GRAMD2A: variants seen among roughly 807,000 people sequenced by gnomAD.
GRAMD2A encodes GRAM domain containing 2A.
A neutral mutation model predicts 51.1 loss-of-function variants in GRAMD2A; 37 were observed. The observed-to-expected ratio is 0.72, with a 90% confidence interval of 0.56 to 0.95. GRAMD2A has a LOEUF of 0.95. Ranked by LOEUF, GRAMD2A falls within the 40% of genes least tolerant of loss-of-function variation. The pLI is 0.00. For missense variants in GRAMD2A, 414 were observed against 426.9 expected (o/e 0.97, Z 0.27); for synonymous variants, 136 against 157.1 (o/e 0.87, Z 1.01).
chr15:72,169,932 G>T lies in GRAMD2A; in HGVS notation c.49C>A (p.Gln17Lys), dbSNP rs753126264. ...SEATEEGGNQ[Q>K]MHRKTASLNS... Reference sequence around the variant, plus strand: ...AGAGAAGCTGTCTTTCTGTGCATTTGTTGGTTGCTAGGGAAAAACAGGCCC... The same window carrying T: ...AGAGAAGCTGTCTTTCTGTGCATTTTTTGGTTGCTAGGGAAAAACAGGCCC... The change falls in exon 2 of 12, where the codon CAA becomes AAA. Residue 17 changes from glutamine (Q) to lysine (K), a missense_variant. By Grantham distance (53) the Gln-to-Lys change is moderately conservative. Coordinates refer to ENST00000309731, the MANE Select transcript of GRAMD2A (RefSeq NM_001012642.3). 10 of 1,613,942 alleles carry T rather than the reference G, an allele frequency of 6.2e-6. No homozygotes were observed. The highest frequency in any genetic ancestry group is 7.6e-6 in the Non-Finnish European group (9 of 1,179,798).
intron 1 of GRAMD2A, among the ~76,000 whole-genome samples, chr15:72,176,322 C>T (rs544834348): frequency 2.8e-4 from 42 of 152,318 alleles, no homozygotes; most frequent in African/African-American, 7.2e-4. Context: ...GCCGGGCCTG[C>T]GTGGTCACAG....
intron 1 of GRAMD2A, 124 bp downstream of exon 1, chr15:72,197,607 T>C: frequency 1.3e-6 from 1 of 755,950 alleles, no homozygotes; most frequent in Non-Finnish European, 1.7e-6. Flanking sequence ...GGGAAGTGCC[T>C]GCCCCGTGGG....
At chr15:72,193,098 CCTGGG>C (rs2081779710) in intron 1 of GRAMD2A, among the ~76,000 whole-genome samples, 2 of 151,614 alleles carry the variant, frequency 1.3e-5, no homozygotes. Context: ...TGCACTCTAG[CCTGGG>C]CAACAAGAGT....
chr15:72,195,048 C>A (rs1443507471), intron 1 of GRAMD2A, among the ~76,000 whole-genome samples: 2 of 152,188 alleles, frequency 1.3e-5, no homozygotes, highest in Non-Finnish European at 2.9e-5. Flanking sequence ...CTGCATGCTG[C>A]TTGCTGTAAG....
chr15:72,195,406 G>A (rs2081797474), intron 1 of GRAMD2A, among the ~76,000 whole-genome samples: 1 of 152,216 alleles, frequency 6.6e-6, no homozygotes. Context: ...TGGCAGGCAA[G>A]GACCAGAGCG....
At chr15:72,178,063 A>AC (rs2081668198) in intron 1 of GRAMD2A, among the ~76,000 whole-genome samples, 1 of 151,754 alleles carries the variant, frequency 6.6e-6, no homozygotes, top group Admixed American at 6.6e-5. Context: ...GTGATTGTAA[A>AC]CCCCCAGCCA....
intron 1 of GRAMD2A, among the ~76,000 whole-genome samples, chr15:72,174,113 C>T (rs569790678): frequency 9.2e-5 from 14 of 152,246 alleles, no homozygotes; most frequent in Admixed American, 3.9e-4. Flanking sequence ...GCTCTCAAAA[C>T]GATCTTCAGT....
intron 8 of GRAMD2A, among the ~76,000 whole-genome samples, chr15:72,164,105 C>A (rs550176238): frequency 2.0e-5 from 3 of 152,280 alleles, no homozygotes; most frequent in African/African-American, 7.2e-5. Context: ...AGTTCCTGCT[C>A]CTATCCCAAG....
At chr15:72,165,305 T>TC (rs770793214) in intron 8 of GRAMD2A, 49 bp downstream of exon 8, 1 of 1,574,832 alleles carries the variant, frequency 6.3e-7, no homozygotes, top group African/African-American at 1.3e-5. Flanking sequence ...GCCTCAGAGC[T>TC]CCAGGCACTG....
In GRAMD2A at chr15:72,165,368, C is replaced by T; in HGVS notation, c.586G>A (p.Glu196Lys). 1.2e-6 allele frequency: 2 copies of T among 1,613,928 alleles called. No individual in the cohort carries two copies. The highest frequency in any genetic ancestry group is 1.7e-6 in the Non-Finnish European group (2 of 1,179,876). ...KSLSVREFSG[E>K]PESLEVLIPE... ...TCAGCTCTCACCAGAGACTCAGGTT[C>T]CCCTGAAAATTCTCTTACACTCAGA... Residue 196 changes from glutamate to lysine, a missense_variant, in exon 8 of 12, where the codon GAA becomes AAA. Physicochemically the swap from Glu to Lys is moderately conservative, Grantham distance 56. Coordinates refer to ENST00000309731, the MANE Select transcript of GRAMD2A (RefSeq NM_001012642.3).
intron 1 of GRAMD2A, among the ~76,000 whole-genome samples, chr15:72,172,275 T>C (rs554768502): frequency 6.6e-5 from 10 of 152,142 alleles, no homozygotes; most frequent in Admixed American, 3.3e-4. Context: ...TGCTCCACCA[T>C]GCCGGGCTAA....
In GRAMD2A at chr15:72,170,420, C is replaced by T. The variant is rs560597319; in HGVS notation, c.42-481G>A. On this transcript the variant is annotated intron_variant, in intron 1 of 11. Coordinates refer to ENST00000309731, the MANE Select transcript of GRAMD2A (RefSeq NM_001012642.3). This position sits in a 1 kb window ranked among gnomAD's most constrained non-coding sequence, Gnocchi z 4.5. The stretch of plus-strand genomic sequence containing the variant: ...CCTTATCAAAGCTCAGGAGCTGATG[C>T]GCTGAAGGTGTGGGAGGTGGACGCC... 2.8e-4 allele frequency: 128 copies of T among 456,112 alleles called. No homozygotes were observed. The highest frequency in any genetic ancestry group is 3.6e-4 in the Non-Finnish European group (82 of 226,904). 28.3% of individuals were successfully genotyped at this position (456,112 alleles called of 1,614,324 possible). A position where few individuals can be genotyped will look rare whatever the true frequency, so the allele number is the denominator to read the frequency against.
At chr15:72,185,425 C>A (rs1488815928) in intron 1 of GRAMD2A, among the ~76,000 whole-genome samples, 1 of 152,170 alleles carries the variant, frequency 6.6e-6, no homozygotes, top group Non-Finnish European at 1.5e-5. Context: ...AACTCCCAAC[C>A]TCAGGTGATC....
At chr15:72,192,082 A>T (rs2081771765) in intron 1 of GRAMD2A, among the ~76,000 whole-genome samples, 1 of 152,244 alleles carries the variant, frequency 6.6e-6, no homozygotes, top group African/African-American at 2.4e-5. Flanking sequence ...ATAGATATAC[A>T]TTGAAATATT....
chr15:72,188,880 T>G (rs1025505209), intron 1 of GRAMD2A, among the ~76,000 whole-genome samples: 10 of 152,302 alleles, frequency 6.6e-5, no homozygotes, highest in African/African-American at 2.4e-4. Context: ...GATGGAGTTT[T>G]GCCATGTTGG....
chr15:72,167,217 G>C (rs896648552), intron 5 of GRAMD2A, 125 bp from the exon 6 acceptor site: 2 of 714,678 alleles, frequency 2.8e-6, no homozygotes, highest in Non-Finnish European at 5.0e-6. Context: ...CCCATGTGGG[G>C]AAGTCTCTGA....
chr15:72,183,581 G>C (rs1383209851), intron 1 of GRAMD2A, among the ~76,000 whole-genome samples: 1 of 151,980 alleles, frequency 6.6e-6, no homozygotes. Flanking sequence ...TGTAATCCCA[G>C]CAGTTTGGGA....
At chr15:72,193,693 T>C (rs1214694721) in intron 1 of GRAMD2A, among the ~76,000 whole-genome samples, 2 of 151,636 alleles carry the variant, frequency 1.3e-5, no homozygotes, top group African/African-American at 2.4e-5. Flanking sequence ...TGGCTAATTT[T>C]TTTTCTGTAT....
chr15:72,175,755 G>A (rs1196279118), intron 1 of GRAMD2A: 1 of 152,266 alleles, frequency 6.6e-6, no homozygotes, highest in Non-Finnish European at 1.5e-5. Flanking sequence ...TCCCCCAGTT[G>A]ACTCTGAGCT....
Sources: gnomAD v4.1 joint callset for allele counts (sites outside exome capture counted in the v4.1 genomes callset) on GRCh38, gnomAD v4.1.1 for gene constraint, Gnocchi (gnomAD v3.1) non-coding constraint, MANE v1.5 for transcripts, NCBI Gene and HGNC (gene_info 2026-07-23, HGNC 2026-07-21) for gene names.